The following LNPEP variants were observed in gnomAD, a reference collection of about 807,000 sequenced individuals.
The protein encoded by LNPEP is leucyl-cystinyl aminopeptidase.
In LNPEP, 64 loss-of-function variants were observed where a neutral mutation model predicts 120.6. The ratio of observed to expected loss-of-function variants is 0.53; its 90% CI spans 0.43 to 0.65. The LOEUF is 0.65. Ranked by LOEUF, LNPEP falls within the 30% of genes least tolerant of loss-of-function variation. The pLI, the probability that LNPEP is intolerant of heterozygous loss-of-function variation, is 0.00. For synonymous variants in LNPEP, 435 were observed against 425.4 expected, an observed-to-expected ratio of 1.02 and a Z score of -0.28; for missense variants, 1,057 against 1,200.0, an observed-to-expected ratio of 0.88 and a Z score of 1.76.
At chr5:96,946,558 G>T (rs1789189696) in intron 1 of LNPEP, among the ~76,000 whole-genome samples, 1 of 152,194 alleles carries the variant, frequency 6.6e-6, no homozygotes, top group African/African-American at 2.4e-5. Context: ...AAGAATTTAT[G>T]CATAGAATCT....
chr5:97,012,994 G>GCTAACATGACAAAAGACA (rs1166698499), intron 11 of LNPEP, among the ~76,000 whole-genome samples: 2 of 152,120 alleles, frequency 1.3e-5, no homozygotes, highest in East Asian at 3.8e-4. Flanking sequence ...AAAAGACAGA[G>GCTAACATGACAAAAGACA]GCCAAAATGG....
At chr5:96,958,937 T>C (rs1789534844) in intron 1 of LNPEP, among the ~76,000 whole-genome samples, 1 of 149,312 alleles carries the variant, frequency 6.7e-6, no homozygotes, top group Non-Finnish European at 1.5e-5. Context: ...CAAGCGATTC[T>C]CCTGCCTCAG....
chr5:97,003,080 T>C (rs1790692445), intron 8 of LNPEP, among the ~76,000 whole-genome samples: 1 of 152,184 alleles, frequency 6.6e-6, no homozygotes, highest in African/African-American at 2.4e-5. Flanking sequence ...AAATTTGGCA[T>C]GTTTTTCTAT....
At chr5:96,989,827 G>A (rs1391521100) in intron 4 of LNPEP, among the ~76,000 whole-genome samples, 1 of 152,186 alleles carries the variant, frequency 6.6e-6, no homozygotes. Flanking sequence ...AGAAAAAGAA[G>A]TAGAAAGGAA....
chr5:96,989,229 A>G (rs556851533), intron 4 of LNPEP, among the ~76,000 whole-genome samples: 10 of 145,054 alleles, frequency 6.9e-5, no homozygotes, highest in Admixed American at 1.4e-4. Flanking sequence ...ATATATATAT[A>G]TGTGTGTGTG....
chr5:96,937,590 T>C (rs1788943164), intron 1 of LNPEP: 2 of 152,338 alleles, frequency 1.3e-5, no homozygotes, highest in Non-Finnish European at 2.9e-5. Flanking sequence ...ACTATTCCAA[T>C]GTTCATTCTT....
intron 1 of LNPEP, among the ~76,000 whole-genome samples, chr5:96,963,396 G>T (rs1457714260): frequency 6.6e-6 from 1 of 152,152 alleles, no homozygotes; most frequent in South Asian, 2.1e-4. Context: ...TCTTGCATGA[G>T]GTCACTCTTG....
chr5:96,982,555 G>T (rs141427017), intron 2 of LNPEP, among the ~76,000 whole-genome samples: 1 of 152,150 alleles, frequency 6.6e-6, no homozygotes, highest in East Asian at 1.9e-4. Flanking sequence ...AAAAGTGGTG[G>T]GTCTCTCTTG....
At position 96,979,224 on chromosome 5, in the gene LNPEP, T is replaced by C; in HGVS notation, c.106T>C (p.Leu36=). The change falls in exon 2 of 18, where the codon TTA becomes CTA. Residue 36 remains leucine (L), a synonymous_variant. Coordinates refer to ENST00000231368, the MANE Select transcript of LNPEP (RefSeq NM_005575.3). ...GGTGGATTTAGCCAAAGAGCCTTGT[T>C]TACATCCTCTAGAGCCTGATGAGGT... ...DVVDLAKEPC[L]HPLEPDEVEY... 1 of 1,613,962 alleles carries C rather than the reference T, an allele frequency of 6.2e-7. No homozygotes were observed. The highest frequency in any genetic ancestry group is 8.5e-7 in the Non-Finnish European group (1 of 1,179,870).
rs769051006 is a variant in LNPEP at position 96,993,907 on chromosome 5, A to G, written c.1343A>G (p.Asn448Ser). 6.2e-7 allele frequency: 1 copy of G among 1,613,926 alleles called. No homozygotes were observed. The highest frequency in any genetic ancestry group is 1.1e-5 in the South Asian group (1 of 91,076). The stretch of plus-strand genomic sequence containing the variant: ...GAGGAGACACTTCTGTATGACAGTA[A>G]CACTTCTTCAATGGCGGATAGAAAG... ...FREETLLYDS[N>S]TSSMADRKLV... Residue 448 changes from asparagine (N) to serine (S), a missense_variant, in exon 6 of 18, where the codon AAC becomes AGC. Coordinates refer to ENST00000231368, the MANE Select transcript of LNPEP (RefSeq NM_005575.3).
In LNPEP at chr5:97,036,371, G is replaced by A. The variant is rs1346692879; in HGVS notation, c.*7838G>A. On this transcript the variant is annotated 3_prime_UTR_variant, in exon 18 of 18. Coordinates refer to ENST00000231368, the MANE Select transcript of LNPEP (RefSeq NM_005575.3). Reference sequence around the variant, plus strand: ...TTGTGTGCTTTCCATTTTGTCTTTAGTGCCTATACTGTTAGGTGTTTTCTT... The same window carrying A: ...TTGTGTGCTTTCCATTTTGTCTTTAATGCCTATACTGTTAGGTGTTTTCTT... 2 of 152,162 alleles carry A rather than the reference G, an allele frequency of 1.3e-5. No individual in the cohort carries two copies. Among genetic ancestry groups the A allele is most frequent in the African/African-American group, 2.4e-5 (1 of 41,530 alleles). The allele number at this position is 152,162 out of a possible 1,614,324, so 9.4% of individuals were successfully genotyped here.
At chr5:96,958,400 C>CT in intron 1 of LNPEP, 1 of 798,586 alleles carries the variant, frequency 1.3e-6, no homozygotes, top group African/African-American at 1.9e-5. Flanking sequence ...ATTGAATTAC[C>CT]TAATAGCTAT....
At chr5:96,962,596 C>A (rs149169714) in intron 1 of LNPEP, 140 of 151,756 alleles carry the variant, frequency 9.2e-4, no homozygotes, top group African/African-American at 3.2e-3. Context: ...AGTGGCAGAG[C>A]AGTCTGGTTC....
chr5:96,982,509 T>C (rs1449791211), intron 2 of LNPEP, among the ~76,000 whole-genome samples: 1 of 152,186 alleles, frequency 6.6e-6, no homozygotes, highest in Non-Finnish European at 1.5e-5. Flanking sequence ...GTTTAAGGCT[T>C]TTTCGCCTTA....
chr5:96,952,620 T>C (rs1429396007), intron 1 of LNPEP, among the ~76,000 whole-genome samples: 1 of 152,192 alleles, frequency 6.6e-6, no homozygotes, highest in Non-Finnish European at 1.5e-5. Context: ...CTTGGTTATG[T>C]GCGGATTCTA....
intron 14 of LNPEP, 87 bp downstream of exon 14, chr5:97,022,571 C>A: frequency 1.9e-6 from 2 of 1,080,512 alleles, no homozygotes; most frequent in Non-Finnish European, 1.4e-6. Context: ...CATCCTGGAT[C>A]ATAAATGTTA....
intron 1 of LNPEP, among the ~76,000 whole-genome samples, chr5:96,963,237 G>C (rs1789648134): frequency 6.6e-6 from 1 of 152,166 alleles, no homozygotes; most frequent in Admixed American, 6.5e-5. Context: ...TGATAATAGT[G>C]TAGTGATCAA....
chr5:97,011,293 A>G (rs940134892), intron 11 of LNPEP: 1 of 630,298 alleles, frequency 1.6e-6, no homozygotes, highest in African/African-American at 2.0e-5. Flanking sequence ...TGGCATGATC[A>G]TAGCTCACTG....
chr5:96,945,717 A>G (rs75746152), intron 1 of LNPEP, among the ~76,000 whole-genome samples: 5,713 of 152,214 alleles, frequency 0.038, 186 homozygotes, highest in Middle Eastern at 0.11. Flanking sequence ...CCCGCTTCCC[A>G]TCATAGCCTG....
Sources: gnomAD v4.1 joint callset for allele counts (sites outside exome capture counted in the v4.1 genomes callset) on GRCh38, gnomAD v4.1.1 for gene constraint, MANE v1.5 for transcripts, NCBI Gene and HGNC (gene_info 2026-07-23, HGNC 2026-07-21) for gene names.